Variants in HNRNPD observed in about 807,000 individuals in gnomAD.
HNRNPD encodes the protein heterogeneous nuclear ribonucleoprotein D0.
HNRNPD carries 3 observed loss-of-function variants against 47.9 expected under a neutral mutation model. The ratio of observed to expected loss-of-function variants is 0.06; its 90% CI spans 0.03 to 0.16. The LOEUF (loss-of-function observed/expected upper bound fraction) is 0.16. HNRNPD is among the 10% of genes least tolerant of loss of function. The pLI is 1.00. For synonymous variants in HNRNPD, 171 were observed against 165.1 expected, an observed-to-expected ratio of 1.04 and a Z score of -0.28; for missense variants, 287 against 454.2, an observed-to-expected ratio of 0.63 and a Z score of 3.35.
chr4:82,364,435 T>C (rs1719646155), intron 2 of HNRNPD, among the ~76,000 whole-genome samples: 1 of 152,204 alleles, frequency 6.6e-6, no homozygotes, highest in Non-Finnish European at 1.5e-5. Flanking sequence ...TTGATAGAAG[T>C]TACTATTTTG....
chr4:82,352,590 T>A lies in HNRNPD; in HGVS notation c.*1595A>T, dbSNP rs1005891791. On this transcript the variant is annotated 3_prime_UTR_variant, in exon 9 of 9. Transcript: ENST00000313899. ...AGCTTAACAACCCTAACACAAAAAA[T>A]TTTCATTTATTTTGACCATGAGTCA... is the stretch of plus-strand genomic sequence containing the variant. 1.6e-4 allele frequency: 25 copies of A among 152,104 alleles called. No homozygotes were observed. Among genetic ancestry groups the A allele is most frequent in the African/African-American group, 5.3e-4 (22 of 41,416 alleles). The allele number at this position is 152,104 out of a possible 1,614,324, so 9.4% of individuals were successfully genotyped here. A position where few individuals can be genotyped will look rare whatever the true frequency, so the allele number is the denominator to read the frequency against.
intron 2 of HNRNPD, among the ~76,000 whole-genome samples, chr4:82,365,053 T>C (rs1414611473): frequency 6.6e-6 from 1 of 152,186 alleles, no homozygotes; most frequent in Non-Finnish European, 1.5e-5. Context: ...TTCTATAACT[T>C]CGTATTATTT....
rs1723570342 is a variant in HNRNPD at position 82,353,147 on chromosome 4, G to C, written c.*1038C>G. ...AACAAATGACAGGAAAAACAATTCT[G>C]ACTTAATCCTATAGTTATCACTTAG... On this transcript the variant is annotated 3_prime_UTR_variant, in exon 9 of 9. Coordinates refer to ENST00000313899, the MANE Select transcript of HNRNPD (RefSeq NM_031370.3). The C allele has an allele frequency of 6.6e-6, 1 of 152,090 alleles. No individual in the cohort carries two copies. Among genetic ancestry groups the C allele is most frequent in the South Asian group, 2.1e-4 (1 of 4,828 alleles). The allele number at this position is 152,090 out of a possible 1,614,324, so 9.4% of individuals were successfully genotyped here. A position where few individuals can be genotyped will look rare whatever the true frequency, so the allele number is the denominator to read the frequency against.
intron 4 of HNRNPD, 175 bp downstream of exon 4, chr4:82,358,484 C>T (rs925341541): frequency 3.5e-6 from 2 of 577,300 alleles, no homozygotes; most frequent in Non-Finnish European, 6.0e-6. Flanking sequence ...GAGAAAAACA[C>T]ATTATCCAAC....
At chr4:82,364,677 A>G (rs1328820682) in intron 2 of HNRNPD, among the ~76,000 whole-genome samples, 1 of 152,198 alleles carries the variant, frequency 6.6e-6, no homozygotes, top group Non-Finnish European at 1.5e-5. Flanking sequence ...ATAAACTAAA[A>G]ATTAGGTGGT....
chr4:82,367,397 G>C (rs1470705123), intron 2 of HNRNPD, among the ~76,000 whole-genome samples: 1 of 152,052 alleles, frequency 6.6e-6, no homozygotes, highest in African/African-American at 2.4e-5. Context: ...AATCAATTTA[G>C]GTATCAATGC....
rs1186637313 is a variant in HNRNPD at position 82,358,366 on chromosome 4, T to C, written c.621+293A>G. 3 of 276,790 alleles carry C rather than the reference T, an allele frequency of 1.1e-5. No individual in the cohort carries two copies. In the East Asian group the frequency reaches 2.1e-4, roughly 20 times the overall value. 17.1% of individuals were successfully genotyped at this position (276,790 alleles called of 1,614,324 possible). On this transcript the variant is annotated intron_variant, in intron 4 of 8. Coordinates refer to ENST00000313899, the MANE Select transcript of HNRNPD (RefSeq NM_031370.3). ...TTTCCTATTTTCAACAAAAGTCTCC[T>C]TCTAATCTAGATTTCTTCCTCTTAA... is the stretch of plus-strand genomic sequence containing the variant.
chr4:82,369,122 A>C (rs1719904957), intron 2 of HNRNPD, among the ~76,000 whole-genome samples: 1 of 152,236 alleles, frequency 6.6e-6, no homozygotes, highest in African/African-American at 2.4e-5. Context: ...TTTAAACTTT[A>C]AAAACTCTGC....
chr4:82,364,114 C>T (rs1163342289), intron 2 of HNRNPD, among the ~76,000 whole-genome samples: 2 of 151,960 alleles, frequency 1.3e-5, no homozygotes, highest in African/African-American at 2.4e-5. Flanking sequence ...GTAGCTCGGA[C>T]TACAGGCACC....
In HNRNPD at chr4:82,356,910, T is replaced by C. The variant is rs753847194; in HGVS notation, c.754-15A>G. On this transcript the variant is annotated splice_polypyrimidine_tract_variant and intron_variant, in intron 5 of 8. Transcript: ENST00000313899. ...TTTATTTCACACTAAAAGAGAAAAATTACATTATTAAACTGACTCAAGAAA... is the reference window on the plus strand; with the variant it reads ...TTTATTTCACACTAAAAGAGAAAAACTACATTATTAAACTGACTCAAGAAA... 4 of 1,588,832 alleles carry C rather than the reference T, an allele frequency of 2.5e-6. No homozygotes were observed. Among genetic ancestry groups the C allele is most frequent in the South Asian group, 1.1e-5 (1 of 90,614 alleles).
At chr4:82,355,166 T>C (rs1723662718) in intron 8 of HNRNPD, 138 bp downstream of exon 8, 3 of 634,552 alleles carry the variant, frequency 4.7e-6, no homozygotes, top group Non-Finnish European at 8.3e-6. Flanking sequence ...TTACATATCT[T>C]TGAAAGTCAC....
chr4:82,370,384 C>A (rs866321685), intron 2 of HNRNPD, among the ~76,000 whole-genome samples: 1 of 152,124 alleles, frequency 6.6e-6, no homozygotes, highest in Non-Finnish European at 1.5e-5. Flanking sequence ...TTACATGAGA[C>A]TCAAAATACA....
At chr4:82,358,899 C>T in intron 3 of HNRNPD, 79 bp from the exon 4 acceptor site, 1 of 1,056,198 alleles carries the variant, frequency 9.5e-7, no homozygotes, top group South Asian at 1.6e-5. Flanking sequence ...TTAAAAATAA[C>T]TATAAATACA....
At position 82,355,233 on chromosome 4, in the gene HNRNPD, G is replaced by A. The variant is rs34411705; in HGVS notation, c.*30+71C>T. 0.2 allele frequency: 165,747 copies of A among 846,496 alleles called. 17,792 individuals carry two copies. The highest frequency in any genetic ancestry group is 0.23 in the Non-Finnish European group (117,940 of 518,738). The allele number at this position is 846,496 out of a possible 1,614,324, so 52.4% of individuals were successfully genotyped here. On this transcript the variant is annotated intron_variant, in intron 8 of 8. Transcript: ENST00000313899. The stretch of plus-strand genomic sequence containing the variant: ...CTGTGAAACTCTTAAATTAAGCATT[G>A]TTTTATGAACAATATAGATTATAAA...
chr4:82,372,860 G>C (rs1720130702), intron 1 of HNRNPD, among the ~76,000 whole-genome samples: 1 of 152,210 alleles, frequency 6.6e-6, no homozygotes, highest in Non-Finnish European at 1.5e-5. Context: ...TGGAGAAAAT[G>C]AGTAAATCCT....
At chr4:82,366,393 A>C (rs1161418760) in intron 2 of HNRNPD, among the ~76,000 whole-genome samples, 1 of 151,904 alleles carries the variant, frequency 6.6e-6, no homozygotes, top group Non-Finnish European at 1.5e-5. Flanking sequence ...ACAGATGCCC[A>C]CCATCATGCC....
At chr4:82,364,385 C>T (rs1303426939) in intron 2 of HNRNPD, among the ~76,000 whole-genome samples, 2 of 152,174 alleles carry the variant, frequency 1.3e-5, no homozygotes, top group Non-Finnish European at 2.9e-5. Context: ...AGTTAACACA[C>T]TTAAAGGACA....
chr4:82,371,484 T>C (rs752159857), intron 2 of HNRNPD, 44 bp downstream of exon 2: 1 of 1,472,550 alleles, frequency 6.8e-7, no homozygotes, highest in Non-Finnish European at 9.4e-7. Flanking sequence ...ATATTATGAC[T>C]ACTGAAACCT....
At chr4:82,363,843 A>AACT (rs1308990448) in intron 2 of HNRNPD, among the ~76,000 whole-genome samples, 2 of 152,240 alleles carry the variant, frequency 1.3e-5, no homozygotes, top group Non-Finnish European at 2.9e-5. Flanking sequence ...AAAGTTATAC[A>AACT]ACTCAGCATA....
Sources: gnomAD v4.1 joint callset for allele counts (sites outside exome capture counted in the v4.1 genomes callset) on GRCh38, gnomAD v4.1.1 for gene constraint, MANE v1.5 for transcripts, NCBI Gene and HGNC (gene_info 2026-07-23, HGNC 2026-07-21) for gene names.